The following SLC39A14 variants were observed in gnomAD, a reference collection of about 807,000 sequenced individuals.
The protein encoded by SLC39A14 is solute carrier family 39 member 14.
Under a neutral mutation model 45.5 loss-of-function variants are expected in SLC39A14, and 19 were observed. That is an observed-to-expected ratio of 0.42 (90% CI 0.29 to 0.61). The LOEUF (loss-of-function observed/expected upper bound fraction) is 0.61. SLC39A14 is among the 20% of genes least tolerant of loss of function. The pLI, the probability that SLC39A14 is intolerant of heterozygous loss-of-function variation, is 0.22. For synonymous variants in SLC39A14, 264 were observed against 251.3 expected (o/e 1.05, Z -0.48); for missense variants, 447 against 616.5 (o/e 0.73, Z 2.91).
In SLC39A14 at chr8:22,412,026, C is replaced by T. The variant is rs1207348863; in HGVS notation, c.458-11C>T. On this transcript the variant is annotated splice_polypyrimidine_tract_variant and intron_variant, in intron 3 of 8. Transcript: ENST00000381237. The stretch of plus-strand genomic sequence containing the variant: ...GCCCTGGGTGGGGCTGGCCCTCCCT[C>T]CGCACGGCAGTGTGGGGATACGGTC... 6.5e-7 allele frequency: 1 copy of T among 1,548,646 alleles called. No homozygotes were observed. Among genetic ancestry groups the T allele is most frequent in the South Asian group, 1.2e-5 (1 of 83,870 alleles).
chr8:22,384,447 A>T (rs978984283), intron 1 of SLC39A14, among the ~76,000 whole-genome samples: 11 of 147,616 alleles, frequency 7.5e-5, no homozygotes, highest in African/African-American at 2.7e-4. Flanking sequence ...TTATGTTTTA[A>T]AAAAAAAAAA....
At chr8:22,407,422 G>A (rs1365348997) in intron 2 of SLC39A14, among the ~76,000 whole-genome samples, 3 of 151,848 alleles carry the variant, frequency 2.0e-5, no homozygotes, top group South Asian at 2.1e-4. Flanking sequence ...GTGCAGTGGC[G>A]CGATCTCGGC....
chr8:22,408,342 C>A lies in SLC39A14; in HGVS notation c.303C>A (p.His101Gln), dbSNP rs988525718. The change falls in exon 3 of 9, where the codon CAC becomes CAA. Residue 101 changes from histidine to glutamine, a missense_variant. His to Gln is a conservative substitution (Grantham distance 24). Transcript: ENST00000381237. The stretch of plus-strand genomic sequence containing the variant: ...GTTCTGGAGACCTCTTCACTGCCCA[C>A]AATTTCAGCGAGCAGTCGCGGATTG... ...CFSSGDLFTAHNFSEQSRIGS... is the reference protein window; with the variant it reads ...CFSSGDLFTAQNFSEQSRIGS... The A allele has an allele frequency of 6.2e-7, 1 of 1,614,080 alleles. No individual in the cohort carries two copies. Among genetic ancestry groups the A allele is most frequent in the Non-Finnish European group, 8.5e-7 (1 of 1,180,040 alleles).
In SLC39A14 at chr8:22,419,926, C is replaced by T; in HGVS notation, c.*228C>T. ...AGTGCCTCTTGCCCTCTCCTCACCT[C>T]CTTTTCTCTCAGTGACTCTGGAACC... On this transcript the variant is annotated 3_prime_UTR_variant, in exon 9 of 9. Transcript: ENST00000381237. The T allele has an allele frequency of 1.6e-6, 2 of 1,228,856 alleles. No individual in the cohort carries two copies. Among genetic ancestry groups the T allele is most frequent in the Non-Finnish European group, 1.0e-6 (1 of 983,946 alleles). 76.1% of individuals were successfully genotyped at this position (1,228,856 alleles called of 1,614,324 possible). A position where few individuals can be genotyped will look rare whatever the true frequency, so the allele number is the denominator to read the frequency against.
chr8:22,422,413 G>A lies in SLC39A14; in HGVS notation c.*2715G>A, dbSNP rs1201377111. ...TTAAAAAGAAGGCTTCTCTGTTTGGGTAGCGTAAGAGCTGAGTATAGTAAG... is the reference window on the plus strand; with the variant it reads ...TTAAAAAGAAGGCTTCTCTGTTTGGATAGCGTAAGAGCTGAGTATAGTAAG... On this transcript the variant is annotated 3_prime_UTR_variant, in exon 9 of 9. Transcript: ENST00000381237. The A allele has an allele frequency of 2.0e-6, 2 of 985,712 alleles. No homozygotes were observed. The highest frequency in any genetic ancestry group is 3.5e-5 in the African/African-American group (2 of 57,222). 61.1% of individuals were successfully genotyped at this position (985,712 alleles called of 1,614,324 possible). A position where few individuals can be genotyped will look rare whatever the true frequency, so the allele number is the denominator to read the frequency against.
chr8:22,418,281 A>G (rs1836009656), intron 8 of SLC39A14, among the ~76,000 whole-genome samples: 1 of 152,162 alleles, frequency 6.6e-6, no homozygotes, highest in South Asian at 2.1e-4. Flanking sequence ...TGTACCTACC[A>G]TTCAGCGGTT....
At position 22,420,200 on chromosome 8, in the gene SLC39A14, T is replaced by G; in HGVS notation, c.*502T>G. 1 of 986,200 alleles carries G rather than the reference T, an allele frequency of 1.0e-6. No homozygotes were observed. Among genetic ancestry groups the G allele is most frequent in the Non-Finnish European group, 1.2e-6 (1 of 830,510 alleles). The allele number at this position is 986,200 out of a possible 1,614,324, so 61.1% of individuals were successfully genotyped here. On this transcript the variant is annotated 3_prime_UTR_variant, in exon 9 of 9. Coordinates refer to ENST00000381237, the MANE Select transcript of SLC39A14 (RefSeq NM_001128431.4). ...AGGAAGCCTTCCCATTTTTTCAAAG[T>G]CTGTTTAATTGCCTATTACTTCTCT...
chr8:22,423,405 G>C (rs528996284), downstream of SLC39A14, among the ~76,000 whole-genome samples: 1 of 150,950 alleles, frequency 6.6e-6, no homozygotes, highest in Non-Finnish European at 1.5e-5. Context: ...GCACGATCTC[G>C]GCTCACTGCA....
chr8:22,374,609 T>G (rs900988073), intron 1 of SLC39A14, among the ~76,000 whole-genome samples: 2 of 151,972 alleles, frequency 1.3e-5, no homozygotes, highest in African/African-American at 4.8e-5. Flanking sequence ...GCTGGAAATG[T>G]ACGTTGGGTC....
At chr8:22,433,984 C>G (rs1563645350) in exon 9 of SLC39A14, 14 of 416,494 alleles carry the variant, frequency 3.4e-5, no homozygotes, top group Non-Finnish European at 9.7e-6. Flanking sequence ...ATTATCCTGT[C>G]TAAGCCTCCC....
intron 1 of SLC39A14, among the ~76,000 whole-genome samples, chr8:22,394,341 T>C (rs1381695114): frequency 1.3e-5 from 2 of 150,036 alleles, no homozygotes; most frequent in Non-Finnish European, 3.0e-5. Context: ...TTTTTTTTTT[T>C]TGAGTTGGAA....
At chr8:22,425,151 C>T (rs1012457547), downstream of SLC39A14, among the ~76,000 whole-genome samples, 1 of 151,776 alleles carries the variant, frequency 6.6e-6, no homozygotes, top group African/African-American at 2.4e-5. Flanking sequence ...GATGGTTTCG[C>T]TTATGCTTTA....
chr8:22,433,719 C>G (rs1836502130), intron 8 of SLC39A14, among the ~76,000 whole-genome samples: 1 of 151,984 alleles, frequency 6.6e-6, no homozygotes, highest in South Asian at 2.1e-4. Context: ...GCCACCACAC[C>G]TAGCTAATTT....
chr8:22,383,556 CG>C (rs1833627032), intron 1 of SLC39A14, among the ~76,000 whole-genome samples: 1 of 152,154 alleles, frequency 6.6e-6, no homozygotes, highest in Non-Finnish European at 1.5e-5. Flanking sequence ...CAGAGGGCCC[CG>C]GCCAGGCCCC....
At chr8:22,411,055 C>T (rs1022012170) in intron 3 of SLC39A14, among the ~76,000 whole-genome samples, 1 of 152,238 alleles carries the variant, frequency 6.6e-6, no homozygotes, top group Admixed American at 6.5e-5. Flanking sequence ...GGTGCCATCT[C>T]AAAATTCTGC....
chr8:22,432,595 C>G (rs765015470), intron 8 of SLC39A14, among the ~76,000 whole-genome samples: 22 of 151,588 alleles, frequency 1.5e-4, no homozygotes, highest in African/African-American at 1.2e-4. Context: ...CCTCCTACCT[C>G]GGCCTCCCGA....
Position 22,421,791 on chromosome 8 carries a change from T to C in SLC39A14, c.*2093T>C, listed in dbSNP as rs1453325193. On this transcript the variant is annotated 3_prime_UTR_variant, in exon 9 of 9. Transcript: ENST00000381237. The stretch of plus-strand genomic sequence containing the variant: ...TTGGAGTAGAATACTAAGTTAGAGT[T>C]AGTGGATTTCTAGTTTAGGAGAGGA... 2 of 983,880 alleles carry C rather than the reference T, an allele frequency of 2.0e-6. No homozygotes were observed. Among genetic ancestry groups the C allele is most frequent in the African/African-American group, 3.5e-5 (2 of 57,212 alleles). The allele number at this position is 983,880 out of a possible 1,614,324, so 60.9% of individuals were successfully genotyped here.
Position 22,420,838 on chromosome 8 carries a change from T to C in SLC39A14, c.*1140T>C. 16 of 985,468 alleles carry C rather than the reference T, an allele frequency of 1.6e-5. No homozygotes were observed. The highest frequency in any genetic ancestry group is 1.9e-5 in the Non-Finnish European group (16 of 829,930). The allele number at this position is 985,468 out of a possible 1,614,324, so 61.0% of individuals were successfully genotyped here. On this transcript the variant is annotated 3_prime_UTR_variant, in exon 9 of 9. Transcript: ENST00000381237. ...GCATCGCAGATGTTTGCAGAATGGT[T>C]GGCCTAATGATTATGCTACAGATGG...
At chr8:22,396,626 C>T (rs1451429435) in intron 1 of SLC39A14, among the ~76,000 whole-genome samples, 1 of 142,980 alleles carries the variant, frequency 7.0e-6, no homozygotes, top group African/African-American at 2.6e-5. Flanking sequence ...GGAATTGGAT[C>T]ATGTCCTCAA....
Sources: allele counts gnomAD v4.1 joint callset (sites outside exome capture counted in the v4.1 genomes callset), GRCh38; gene constraint gnomAD v4.1.1; transcripts MANE v1.5; gene names NCBI Gene and HGNC (gene_info 2026-07-23, HGNC 2026-07-21).